The following TENM1 variants were observed in gnomAD, a reference collection of about 807,000 sequenced individuals.
TENM1 encodes the protein teneurin transmembrane protein 1.
In TENM1, 35 loss-of-function variants were observed where a neutral mutation model predicts 174.8. The observed-to-expected ratio is 0.20, with a 90% CI of 0.15 to 0.27. The LOEUF (loss-of-function observed/expected upper bound fraction) is 0.27. TENM1 is among the 10% of genes least tolerant of loss of function. The pLI is 1.00. For synonymous variants in TENM1, 781 were observed against 798.7 expected (o/e 0.98, Z 0.37); for missense variants, 1,633 against 2,130.1 (o/e 0.77, Z 4.59).
intron 11 of TENM1, among the ~76,000 whole-genome samples, chrX:124,616,718 C>T (rs1203306710): frequency 8.9e-6 from 1 of 112,180 alleles, no homozygotes; most frequent in Non-Finnish European, 1.9e-5. Context: ...TGGAGTTTTT[C>T]ACTATTGTAT....
chrX:124,503,028 C>T lies in TENM1; in HGVS notation c.3445+532G>A, dbSNP rs749192371. Among the ~76,000 whole-genome samples the T allele has an allele frequency of 2.7e-5, 3 of 111,748 alleles. No individual in the cohort carries two copies. In the South Asian group the frequency reaches 1.1e-3, roughly 42 times the overall value. On this transcript the variant is annotated intron_variant, in intron 19 of 31. Transcript: ENST00000422452. ...ATGGCTGGATGGAAGTGTGTAGGGG[C>T]TTCAGTACATTCTGATCCCCAATTC...
At chrX:125,062,224 T>C in the TENM1 span, among the ~76,000 whole-genome samples, 3 of 112,138 alleles carry the variant, frequency 2.7e-5, no homozygotes, top group African/African-American at 9.8e-5. Flanking sequence ...ATGTTAGCTA[T>C]TATAACACTT....
chrX:125,024,385 CCA>C, the TENM1 span, among the ~76,000 whole-genome samples: 15 of 105,331 alleles, frequency 1.4e-4, no homozygotes, highest in African/African-American at 2.4e-4. Flanking sequence ...CACACACACA[CCA>C]CACACACACA....
At chrX:124,856,491 A>G (rs2056817072) in intron 3 of TENM1, among the ~76,000 whole-genome samples, 1 of 111,545 alleles carries the variant, frequency 9.0e-6, no homozygotes, top group Non-Finnish European at 1.9e-5. Context: ...ATGAGTCATA[A>G]TAGGAAAGTT....
intron 6 of TENM1, among the ~76,000 whole-genome samples, chrX:124,665,362 G>A (rs193185224): frequency 0.033 from 3,734 of 111,603 alleles, 90 homozygotes; most frequent in African/African-American, 0.084. Context: ...AAAAGGTAAC[G>A]ATAGCTGCCA....
rs67614153 is a variant in TENM1 at position 124,481,713 on chromosome X, T to TATATATATATATATATATATATA, written c.3949+18_3949+19insTATATATATATATATATATATAT. 1 of 197,064 alleles carries TATATATATATATATATATATATA rather than the reference T, an allele frequency of 5.1e-6. No homozygotes were observed. The highest frequency in any genetic ancestry group is 7.2e-5 in the African/African-American group (1 of 13,841). 16.2% of individuals were successfully genotyped at this position (197,064 alleles called of 1,213,427 possible). A position where few individuals can be genotyped will look rare whatever the true frequency, so the allele number is the denominator to read the frequency against. ...CCCAAGGGTATATATATATATATATTTATTTATTTATTTTTTACCTCGAGG... is the reference window on the plus strand; with the variant it reads ...CCCAAGGGTATATATATATATATATTATATATATATATATATATATATATATTTATTTATTTTTTACCTCGAGG... On this transcript the variant is annotated intron_variant, in intron 22 of 31. Transcript: ENST00000422452.
At chrX:124,927,374 G>A (rs1176021111) in intron 1 of TENM1, among the ~76,000 whole-genome samples, 1 of 110,815 alleles carries the variant, frequency 9.0e-6, no homozygotes, top group African/African-American at 3.3e-5. Flanking sequence ...GCCTGTCCTG[G>A]GCCCTATTTC....
intron 1 of TENM1, among the ~76,000 whole-genome samples, chrX:124,937,486 G>C (rs900601665): frequency 1.8e-5 from 2 of 111,303 alleles, no homozygotes; most frequent in African/African-American, 6.5e-5. Flanking sequence ...CATAGACCCT[G>C]AGCTTTTCCA....
At chrX:124,679,802 C>T (rs754718770) in intron 5 of TENM1, among the ~76,000 whole-genome samples, 3 of 111,535 alleles carry the variant, frequency 2.7e-5, no homozygotes, top group Non-Finnish European at 3.8e-5. Flanking sequence ...TCTACTATTG[C>T]CTCAGCAGTT....
chrX:125,007,966 G>A, the TENM1 span, among the ~76,000 whole-genome samples: 1 of 111,503 alleles, frequency 9.0e-6, no homozygotes, highest in Non-Finnish European at 1.9e-5. Flanking sequence ...TGAAGAAACT[G>A]CATCAACTAG....
chrX:124,914,917 A>G (rs769958814), intron 1 of TENM1, among the ~76,000 whole-genome samples: 106 of 111,624 alleles, frequency 9.5e-4, no homozygotes, highest in African/African-American at 3.2e-3. Context: ...ACAAAGTCTT[A>G]TGTTATTTGG....
At chrX:125,061,536 C>G in the TENM1 span, among the ~76,000 whole-genome samples, 1 of 111,908 alleles carries the variant, frequency 8.9e-6, no homozygotes, top group African/African-American at 3.3e-5. Context: ...GAGATAAGGA[C>G]AGCATACAAG....
chrX:124,719,398 C>G (rs763536208), intron 4 of TENM1, among the ~76,000 whole-genome samples: 1 of 111,393 alleles, frequency 9.0e-6, no homozygotes, highest in Non-Finnish European at 1.9e-5. Flanking sequence ...AACTGTACCC[C>G]TCATGAACCT....
intron 23 of TENM1, among the ~76,000 whole-genome samples, chrX:124,423,460 A>G (rs1440365439): frequency 3.6e-5 from 4 of 111,400 alleles, no homozygotes; most frequent in Non-Finnish European, 3.8e-5. Flanking sequence ...TCCTCAAATG[A>G]TTTGTGGTAT....
intron 3 of TENM1, among the ~76,000 whole-genome samples, chrX:124,754,014 G>A (rs746416335): frequency 1.8e-5 from 2 of 111,804 alleles, no homozygotes; most frequent in East Asian, 5.6e-4. Flanking sequence ...AAATGAGTTA[G>A]GGAGGATTCC....
intron 18 of TENM1, among the ~76,000 whole-genome samples, chrX:124,505,177 G>C (rs1025312608): frequency 8.9e-6 from 1 of 112,254 alleles, no homozygotes; most frequent in Non-Finnish European, 1.9e-5. Context: ...CTGTATTTCC[G>C]TTTTCATTTC....
At position 124,683,081 on chromosome X, in the gene TENM1, GT is replaced by G. The variant is rs1439780072; in HGVS notation, c.1016-11247del. ...TGAGAAACTAAATGAGGAGTATATG[GT>G]AATTCTCTGTACTATCTTTGCAACT... On this transcript the variant is annotated intron_variant, in intron 5 of 31. Coordinates refer to ENST00000422452, the Ensembl canonical transcript of TENM1. 2.7e-5 allele frequency among the ~76,000 whole-genome samples: 3 copies of G among 111,673 alleles called. No homozygotes were observed. The Admixed American group carries it at 2.8e-4, about 11-fold the overall frequency.
At chrX:124,785,918 G>T (rs2055024335) in intron 3 of TENM1, among the ~76,000 whole-genome samples, 1 of 111,501 alleles carries the variant, frequency 9.0e-6, no homozygotes, top group African/African-American at 3.2e-5. Flanking sequence ...TGAATATTTG[G>T]AGCATCTTAT....
rs750180635 is a variant in TENM1, at chrX:124,392,751, T to A, written c.5392-403A>T. ...AACATAAAAGGGTGAATTATTTGTGTGATTAGAAATCAGACAAAAGGAATA... is the reference window on the plus strand; with the variant it reads ...AACATAAAAGGGTGAATTATTTGTGAGATTAGAAATCAGACAAAAGGAATA... On this transcript the variant is annotated intron_variant, in intron 27 of 31. Transcript: ENST00000422452. 1.5e-4 allele frequency among the ~76,000 whole-genome samples: 17 copies of A among 112,238 alleles called. 1 individual carries two copies. The Admixed American group carries it at 1.6e-3, about 11-fold the overall frequency.
Sources: gnomAD v4.1 joint callset for allele counts (sites outside exome capture counted in the v4.1 genomes callset) on GRCh38, gnomAD v4.1.1 for gene constraint, MANE v1.5 for transcripts, NCBI Gene and HGNC (gene_info 2026-07-23, HGNC 2026-07-21) for gene names.